The following SRPK2 variants were observed in gnomAD, a reference collection of about 807,000 sequenced individuals.
The protein encoded by SRPK2 is SRSF protein kinase 2, also known as SFRS protein kinase 2.
Under a neutral mutation model 90.8 loss-of-function variants are expected in SRPK2, and 21 were observed. That is an observed-to-expected ratio of 0.23 (90% CI 0.16 to 0.33). The LOEUF is 0.33. Ranked by LOEUF, SRPK2 falls within the 10% of genes least tolerant of loss-of-function variation. The pLI is 1.00. For synonymous variants in SRPK2, 288 were observed against 311.1 expected, an observed-to-expected ratio of 0.93 and a Z score of 0.78; for missense variants, 620 against 869.0, an observed-to-expected ratio of 0.71 and a Z score of 3.60.
Position 105,170,308 on chromosome 7 carries a change from A to C in SRPK2, c.230-1043T>G, listed in dbSNP as rs572389793. Among the ~76,000 whole-genome samples, 22 of 152,274 alleles carry C rather than the reference A, an allele frequency of 1.4e-4. No individual in the cohort carries two copies. The South Asian group carries it at 4.4e-3, about 30-fold the overall frequency. On this transcript the variant is annotated intron_variant, in intron 3 of 15. Transcript: ENST00000393651. ...GTTTATTAATAACTAGAAACTGTAC[A>C]ATGATGTCTTAATTTACCCTCTAAC...
downstream of SRPK2, among the ~76,000 whole-genome samples, chr7:105,116,135 T>A (rs12112458): frequency 0.015 from 2,309 of 152,266 alleles, 60 homozygotes; most frequent in African/African-American, 0.051. Flanking sequence ...ATGTTTTTGA[T>A]GAACCATGGA....
intron 2 of SRPK2, chr7:105,268,705 A>G: frequency 1.5e-6 from 2 of 1,357,560 alleles, no homozygotes; most frequent in Non-Finnish European, 2.0e-6. Flanking sequence ...ATGCAGGACA[A>G]TACGTTATAT....
intron 2 of SRPK2, among the ~76,000 whole-genome samples, chr7:105,386,084 G>A (rs910168269): frequency 7.9e-5 from 12 of 152,028 alleles, no homozygotes; most frequent in African/African-American, 2.4e-4. Context: ...GGAGGCCGAG[G>A]CGGGCGAATC....
intron 2 of SRPK2, among the ~76,000 whole-genome samples, chr7:105,287,910 C>A (rs538614334): frequency 6.6e-6 from 1 of 152,096 alleles, no homozygotes; most frequent in Non-Finnish European, 1.5e-5. Context: ...CCAAAGGATG[C>A]CCCATTTAAA....
intron 2 of SRPK2, among the ~76,000 whole-genome samples, chr7:105,312,437 C>A (rs78346462): frequency 5.9e-3 from 497 of 84,844 alleles, no homozygotes; most frequent in South Asian, 7.7e-3. Context: ...GAGACTCCGT[C>A]AAAAAAAAAA....
rs371963112 is a variant in SRPK2, at chr7:105,126,236, A to G, written c.1915+12T>C. 59 of 1,598,678 alleles carry G rather than the reference A, an allele frequency of 3.7e-5. No homozygotes were observed. The African/African-American group carries it at 7.0e-4, about 19-fold the overall frequency. The stretch of plus-strand genomic sequence containing the variant: ...CTGCATCGTGGCGCTTTTCAAAAAG[A>G]AGAGGTACTACCTCTGCGATTGAAG... On this transcript the variant is annotated intron_variant, in intron 15 of 15. Transcript: ENST00000393651.
intron 3 of SRPK2, among the ~76,000 whole-genome samples, chr7:105,203,342 A>AC (rs1795798217): frequency 6.6e-6 from 1 of 152,162 alleles, no homozygotes; most frequent in Admixed American, 6.6e-5. Flanking sequence ...GCTGTATACT[A>AC]CCTTTAATTC....
rs1024072224 is a variant in SRPK2, at chr7:105,275,016, T to C, written c.72-71231A>G. Reference sequence around the variant, plus strand: ...ATTTCTCCTGCCTCAGCCTCCGGGATAGCTGGGATTACAAGCACCCGCCAC... The same window carrying C: ...ATTTCTCCTGCCTCAGCCTCCGGGACAGCTGGGATTACAAGCACCCGCCAC... On this transcript the variant is annotated intron_variant, in intron 2 of 15. Transcript: ENST00000393651. 2.0e-5 allele frequency among the ~76,000 whole-genome samples: 3 copies of C among 151,948 alleles called. No homozygotes were observed. The East Asian group carries it at 5.8e-4, about 29-fold the overall frequency.
chr7:105,260,913 T>C (rs577046088), intron 2 of SRPK2, among the ~76,000 whole-genome samples: 42 of 150,686 alleles, frequency 2.8e-4, no homozygotes, highest in Admixed American at 2.0e-4. Context: ...GGGACAGCAT[T>C]AGCAGAAATA....
chr7:105,169,328 A>G, intron 3 of SRPK2, 63 bp from the exon 4 acceptor site: 1 of 1,254,418 alleles, frequency 8.0e-7, no homozygotes. Flanking sequence ...TAAACATTTC[A>G]TCTCTTTTGT....
chr7:105,190,486 CCTT>C (rs1794140668), intron 3 of SRPK2, among the ~76,000 whole-genome samples: 1 of 152,128 alleles, frequency 6.6e-6, no homozygotes, highest in African/African-American at 2.4e-5. Flanking sequence ...CTCTCTGCAT[CCTT>C]TTTTTGTTTG....
intron 15 of SRPK2, among the ~76,000 whole-genome samples, chr7:105,124,525 C>T (rs1002779147): frequency 5.3e-5 from 8 of 150,188 alleles, no homozygotes; most frequent in East Asian, 2.0e-4. Context: ...CCTGTAATCC[C>T]GGCTTCTTGT....
intron 2 of SRPK2, among the ~76,000 whole-genome samples, chr7:105,378,139 C>T (rs1178782471): frequency 6.6e-6 from 1 of 152,130 alleles, no homozygotes; most frequent in African/African-American, 2.4e-5. Flanking sequence ...TTTTAAACCC[C>T]ACATGTTGAC....
chr7:105,132,717 G>C, intron 13 of SRPK2, 74 bp downstream of exon 13: 1 of 1,234,860 alleles, frequency 8.1e-7, no homozygotes, highest in Non-Finnish European at 1.1e-6. Flanking sequence ...ATGCCTCAGA[G>C]AGACTCAGCC....
intron 2 of SRPK2, among the ~76,000 whole-genome samples, chr7:105,233,099 G>GGAAGGAAGGAAGGAAGGAAA: frequency 1.3e-5 from 1 of 74,320 alleles, no homozygotes; most frequent in Non-Finnish European, 2.6e-5. Context: ...AAAGAAGGAA[G>GGAAGGAAGGAAGGAAGGAAA]GAAGGAAGGA....
At chr7:105,251,681 T>C (rs534823593) in intron 2 of SRPK2, among the ~76,000 whole-genome samples, 6 of 152,196 alleles carry the variant, frequency 3.9e-5, no homozygotes, top group Non-Finnish European at 8.8e-5. Context: ...AGGCTAAAGA[T>C]TGTGCTGGTC....
chr7:105,361,835 T>C (rs1818460478), intron 2 of SRPK2, among the ~76,000 whole-genome samples: 1 of 152,150 alleles, frequency 6.6e-6, no homozygotes, highest in Non-Finnish European at 1.5e-5. Context: ...CAAGATGGAT[T>C]TAAGACTTAA....
At chr7:105,333,101 G>A (rs994335402) in intron 2 of SRPK2, among the ~76,000 whole-genome samples, 3 of 152,148 alleles carry the variant, frequency 2.0e-5, no homozygotes, top group African/African-American at 7.2e-5. Flanking sequence ...GGCTGAGGCA[G>A]AAGAACAGCT....
In SRPK2 at chr7:105,167,429, G is replaced by A. The variant is rs1468071434; in HGVS notation, c.462C>T (p.Asp154=). The A allele has an allele frequency of 6.2e-7, 1 of 1,613,700 alleles. No homozygotes were observed. Among genetic ancestry groups the A allele is most frequent in the Non-Finnish European group, 8.5e-7 (1 of 1,179,786 alleles). The change falls in exon 6 of 16, where the codon GAC becomes GAT. Residue 154 remains aspartate (D), a synonymous_variant. Transcript: ENST00000393651. ...RESDPSDPNK[D]MVVQLIDDFK... is the part of the protein sequence containing the mutation. Reference sequence around the variant, plus strand: ...AGTCGTCAATGAGCTGGACCACCATGTCTTTGTTTGGGTCACTGGGATCAC... The same window carrying A: ...AGTCGTCAATGAGCTGGACCACCATATCTTTGTTTGGGTCACTGGGATCAC...
Sources: allele counts gnomAD v4.1 joint callset (sites outside exome capture counted in the v4.1 genomes callset), GRCh38; gene constraint gnomAD v4.1.1; transcripts MANE v1.5; gene names NCBI Gene and HGNC (gene_info 2026-07-23, HGNC 2026-07-21).